The following RFX3 variants were observed in gnomAD, a reference collection of about 807,000 sequenced individuals.
RFX3 encodes regulatory factor X3.
RFX3 carries 14 observed loss-of-function variants against 98.6 expected under a neutral mutation model. That is an observed-to-expected ratio of 0.14 (90% CI 0.09 to 0.22). The LOEUF is 0.22. RFX3 is among the 10% of genes least tolerant of loss of function. The pLI is 1.00. For missense variants in RFX3, 639 were observed against 926.9 expected (o/e 0.69, Z 4.03); for synonymous variants, 383 against 328.4 (o/e 1.17, Z -1.80).
Position 3,424,516 on chromosome 9 carries a change from C to T in RFX3, c.-8-28920G>A, listed in dbSNP as rs138459289. Among the ~76,000 whole-genome samples the T allele has an allele frequency of 1.8e-3, 275 of 150,526 alleles. 2 individuals are homozygous for T. The highest frequency in any genetic ancestry group is 4.5e-3 in the African/African-American group (186 of 41,108). ...AGCTGGGACTACAGGCGCCCGCCAC[C>T]GCGCCCGGATAATTTTTGTATTTTT... On this transcript the variant is annotated intron_variant, in intron 1 of 16. Coordinates refer to ENST00000617270, the MANE Select transcript of RFX3 (RefSeq NM_001282116.2).
chr9:3,344,954 C>A (rs3012670), intron 3 of RFX3: 144,373 of 636,820 alleles, frequency 0.23, 22,636 homozygotes, highest in African/African-American at 0.67. Context: ...AGATTTAATA[C>A]GGTAACAGAA....
intron 3 of RFX3, among the ~76,000 whole-genome samples, chr9:3,342,007 T>C (rs897794624): frequency 6.6e-6 from 1 of 152,208 alleles, no homozygotes; most frequent in African/African-American, 2.4e-5. Flanking sequence ...GATTGAGAGA[T>C]TGAAGAAATA....
chr9:3,337,633 T>C (rs1041345187), intron 3 of RFX3, among the ~76,000 whole-genome samples: 1 of 152,206 alleles, frequency 6.6e-6, no homozygotes, highest in African/African-American at 2.4e-5. Context: ...GTCTTTGGGA[T>C]GGCTGCAGTG....
intron 1 of RFX3, among the ~76,000 whole-genome samples, chr9:3,498,720 G>A (rs1851286053): frequency 6.6e-6 from 1 of 151,986 alleles, no homozygotes; most frequent in African/African-American, 2.4e-5. Flanking sequence ...GCCCATTTTT[G>A]AAAAGCTAAG....
chr9:3,470,521 G>T (rs1467399007), intron 1 of RFX3, among the ~76,000 whole-genome samples: 1 of 151,100 alleles, frequency 6.6e-6, no homozygotes, highest in Non-Finnish European at 1.5e-5. Flanking sequence ...TAGAGACGGG[G>T]TTTCACCATG....
intron 4 of RFX3, among the ~76,000 whole-genome samples, chr9:3,316,446 T>C (rs2130628663): frequency 6.6e-6 from 1 of 152,304 alleles, no homozygotes; most frequent in South Asian, 2.1e-4. Context: ...ACTGGAATCA[T>C]TCCCTTTGAA....
At chr9:3,348,688 C>T (rs924796556) in intron 2 of RFX3, among the ~76,000 whole-genome samples, 9 of 151,880 alleles carry the variant, frequency 5.9e-5, no homozygotes, top group South Asian at 2.1e-4. Flanking sequence ...CAGAGGTGAT[C>T]GGTGTGGTTT....
chr9:3,496,487 C>A (rs918555939), intron 1 of RFX3, among the ~76,000 whole-genome samples: 4 of 151,948 alleles, frequency 2.6e-5, no homozygotes, highest in African/African-American at 9.7e-5. Flanking sequence ...TTTTCAGCTG[C>A]TACCCTCTCC....
intron 14 of RFX3, among the ~76,000 whole-genome samples, chr9:3,252,145 A>G (rs941148445): frequency 2.6e-5 from 4 of 152,202 alleles, no homozygotes; most frequent in African/African-American, 9.6e-5. Flanking sequence ...GTGAACAACT[A>G]AGGAGAATGT....
rs940755182 is a variant in RFX3 at position 3,219,211 on chromosome 9, T to C, written c.*5831A>G. The C allele has an allele frequency of 1.3e-5, 2 of 152,178 alleles. No individual in the cohort carries two copies. Among genetic ancestry groups the C allele is most frequent in the Non-Finnish European group, 2.9e-5 (2 of 68,008 alleles). 9.4% of individuals were successfully genotyped at this position (152,178 alleles called of 1,614,324 possible). A position where few individuals can be genotyped will look rare whatever the true frequency, so the allele number is the denominator to read the frequency against. ...GTTCAATAGATTCTTTATTGGGTCA[T>C]TTAAAATTGTTGTTTAGCAAGTTAA... is the stretch of plus-strand genomic sequence containing the variant. On this transcript the variant is annotated 3_prime_UTR_variant, in exon 17 of 17. Coordinates refer to ENST00000617270, the MANE Select transcript of RFX3 (RefSeq NM_001282116.2).
At chr9:3,359,892 T>A (rs1836211408) in intron 2 of RFX3, among the ~76,000 whole-genome samples, 1 of 152,162 alleles carries the variant, frequency 6.6e-6, no homozygotes, top group Non-Finnish European at 1.5e-5. Flanking sequence ...TTCAAATTGT[T>A]CAAATATTAG....
intron 1 of RFX3, among the ~76,000 whole-genome samples, chr9:3,475,344 G>C (rs1044797270): frequency 1.3e-5 from 2 of 151,788 alleles, no homozygotes; most frequent in Non-Finnish European, 2.9e-5. Flanking sequence ...CAACCACCAA[G>C]ACGCAGAGAC....
intron 1 of RFX3, among the ~76,000 whole-genome samples, chr9:3,410,779 T>C (rs1297200879): frequency 6.6e-6 from 1 of 152,232 alleles, no homozygotes; most frequent in African/African-American, 2.4e-5. Flanking sequence ...TGTTCATGCA[T>C]TCTTTTAAAA....
intron 2 of RFX3, among the ~76,000 whole-genome samples, chr9:3,350,676 G>T (rs1835001377): frequency 6.6e-6 from 1 of 152,054 alleles, no homozygotes; most frequent in South Asian, 2.1e-4. Flanking sequence ...TCCTTCAGAA[G>T]GTGGACGGAA....
chr9:3,393,298 C>A (rs916329700), intron 2 of RFX3, among the ~76,000 whole-genome samples: 29 of 151,830 alleles, frequency 1.9e-4, no homozygotes, highest in Admixed American at 5.9e-4. Flanking sequence ...AAATAACAGA[C>A]CTTGCTAAGT....
At chr9:3,449,890 A>G (rs1489871478) in intron 1 of RFX3, among the ~76,000 whole-genome samples, 1 of 151,932 alleles carries the variant, frequency 6.6e-6, no homozygotes, top group Non-Finnish European at 1.5e-5. Flanking sequence ...AGAAAAGAAA[A>G]AAAAAAAAAA....
intron 2 of RFX3, chr9:3,364,481 T>C (rs1836817551): frequency 4.0e-6 from 1 of 248,072 alleles, no homozygotes. Flanking sequence ...TTGAAGTGCT[T>C]TCCAACTGTA....
At chr9:3,249,133 C>G (rs574405252) in intron 14 of RFX3, among the ~76,000 whole-genome samples, 1 of 152,016 alleles carries the variant, frequency 6.6e-6, no homozygotes, top group Non-Finnish European at 1.5e-5. Context: ...CCATTGTATT[C>G]TCAGGAGAAA....
At chr9:3,399,573 T>C (rs1010331583) in intron 1 of RFX3, among the ~76,000 whole-genome samples, 1 of 152,242 alleles carries the variant, frequency 6.6e-6, no homozygotes, top group Non-Finnish European at 1.5e-5. Context: ...TTCAATTGAA[T>C]GGCCTCTATA....
Sources: allele counts gnomAD v4.1 joint callset (sites outside exome capture counted in the v4.1 genomes callset), GRCh38; gene constraint gnomAD v4.1.1; transcripts MANE v1.5; gene names NCBI Gene and HGNC (gene_info 2026-07-23, HGNC 2026-07-21).